HDAC9: variants seen among roughly 807,000 people sequenced by gnomAD.
The protein encoded by HDAC9 is histone deacetylase 9.
HDAC9 carries 41 observed loss-of-function variants against 139.4 expected under a neutral mutation model. The observed-to-expected ratio is 0.29, with a 90% CI of 0.23 to 0.38. The LOEUF (loss-of-function observed/expected upper bound fraction) is 0.38. Ranked by LOEUF, HDAC9 falls within the 10% of genes least tolerant of loss-of-function variation. HDAC9 has a pLI of 1.00. For synonymous variants in HDAC9, 517 were observed against 476.2 expected, an observed-to-expected ratio of 1.09 and a Z score of -1.12; for missense variants, 1,147 against 1,297.0, an observed-to-expected ratio of 0.88 and a Z score of 1.78.
chr7:18,139,675 A>G (rs1785742876), intron 1 of HDAC9, among the ~76,000 whole-genome samples: 1 of 152,196 alleles, frequency 6.6e-6, no homozygotes, highest in South Asian at 2.1e-4. Flanking sequence ...TCATATGGCC[A>G]AAAAGGATTT....
chr7:18,962,457 G>A (rs1434627965), intron 24 of HDAC9, among the ~76,000 whole-genome samples: 1 of 152,020 alleles, frequency 6.6e-6, no homozygotes, highest in East Asian at 1.9e-4. Flanking sequence ...ATACTAGAAT[G>A]TATCAGAATA....
chr7:18,204,977 C>A (rs895587471), intron 2 of HDAC9, among the ~76,000 whole-genome samples: 1 of 152,000 alleles, frequency 6.6e-6, no homozygotes, highest in East Asian at 1.9e-4. Flanking sequence ...CTATTTTATG[C>A]TAATGTTTAG....
chr7:18,426,383 C>T (rs544032095), intron 1 of HDAC9, among the ~76,000 whole-genome samples: 34 of 152,236 alleles, frequency 2.2e-4, no homozygotes, highest in Non-Finnish European at 3.8e-4. Context: ...AAGCAAAGAA[C>T]CTGAATATTT....
intron 22 of HDAC9, among the ~76,000 whole-genome samples, chr7:18,900,477 A>C (rs1036356973): frequency 3.3e-5 from 5 of 152,120 alleles, no homozygotes; most frequent in Non-Finnish European, 7.4e-5. Context: ...CCTCTAGGCT[A>C]GTCCTGCTAT....
At chr7:18,635,484 AAG>A (rs1349488310) in intron 8 of HDAC9, among the ~76,000 whole-genome samples, 2 of 152,060 alleles carry the variant, frequency 1.3e-5, no homozygotes, top group Non-Finnish European at 2.9e-5. Context: ...ATACAAGACT[AAG>A]AGGAAAGTTA....
intron 17 of HDAC9, among the ~76,000 whole-genome samples, chr7:18,826,496 GAGA>G (rs770020688): frequency 9.9e-5 from 15 of 152,124 alleles, no homozygotes; most frequent in Admixed American, 2.6e-4. Flanking sequence ...TGATTTTGGC[GAGA>G]AGAAGATCAT....
chr7:18,179,526 T>C (rs773490922), intron 2 of HDAC9, among the ~76,000 whole-genome samples: 8 of 152,214 alleles, frequency 5.3e-5, no homozygotes, highest in Non-Finnish European at 8.8e-5. Context: ...CTTTGTTTTT[T>C]TTGCTTCTAC....
At chr7:18,649,550 T>C (rs1476536332) in intron 11 of HDAC9, among the ~76,000 whole-genome samples, 2 of 152,170 alleles carry the variant, frequency 1.3e-5, no homozygotes, top group African/African-American at 2.4e-5. Flanking sequence ...TGCAAACTGA[T>C]ACTTTGTTTA....
intron 1 of HDAC9, chr7:18,429,046 A>T (rs1484301459): frequency 6.6e-6 from 1 of 152,104 alleles, no homozygotes; most frequent in East Asian, 1.9e-4. Flanking sequence ...ACCCACCTCC[A>T]ACCTACGGCA....
chr7:18,980,742 CT>C (rs1369527452), intron 25 of HDAC9, among the ~76,000 whole-genome samples: 1 of 83,956 alleles, frequency 1.2e-5, no homozygotes, highest in African/African-American at 5.1e-5. Flanking sequence ...TCTTCTTCTT[CT>C]TCCTTCTTCT....
intron 22 of HDAC9, among the ~76,000 whole-genome samples, chr7:18,912,494 G>A (rs1379723886): frequency 2.0e-5 from 3 of 151,960 alleles, no homozygotes; most frequent in South Asian, 4.1e-4. Context: ...CTGAAAATTA[G>A]CCTAATTTAG....
intron 1 of HDAC9, among the ~76,000 whole-genome samples, chr7:18,363,455 T>A (rs1018805422): frequency 6.6e-5 from 10 of 151,964 alleles, no homozygotes; most frequent in Non-Finnish European, 1.5e-4. Context: ...AAGAAAAAAA[T>A]AAATTTTGGA....
At chr7:18,978,419 C>T (rs1784689269) in intron 25 of HDAC9, among the ~76,000 whole-genome samples, 1 of 152,050 alleles carries the variant, frequency 6.6e-6, no homozygotes, top group African/African-American at 2.4e-5. Flanking sequence ...CAACACAGTG[C>T]AGATAGTCAT....
chr7:18,913,124 T>C (rs1802883846), intron 22 of HDAC9, among the ~76,000 whole-genome samples: 1 of 152,090 alleles, frequency 6.6e-6, no homozygotes, highest in Non-Finnish European at 1.5e-5. Flanking sequence ...AAAGGCTGTA[T>C]AAGTATATAT....
chr7:18,498,571 G>A (rs112697880), intron 2 of HDAC9, among the ~76,000 whole-genome samples: 2 of 152,094 alleles, frequency 1.3e-5, no homozygotes, highest in African/African-American at 4.8e-5. Flanking sequence ...TTTTGGACCA[G>A]TGGTCTGGAC....
rs371356739 is a variant in HDAC9, at chr7:18,749,063, C to T, written c.1968C>T (p.Thr656=). 87 of 1,613,514 alleles carry T rather than the reference C, an allele frequency of 5.4e-5. No individual in the cohort carries two copies. Among genetic ancestry groups the T allele is most frequent in the Non-Finnish European group, 7.2e-5 (85 of 1,179,742 alleles). Residue 656 remains threonine (T), a synonymous_variant, in exon 14 of 26, where the codon ACC becomes ACT. Transcript: ENST00000686413. ...KHQCVCGNST[T]HPEHAGRIQS... Reference sequence around the variant, plus strand: ...AGTGCGTTTGTGGCAATTCCACCACCCACCCTGAGCATGCTGGACGAATAC... The same window carrying T: ...AGTGCGTTTGTGGCAATTCCACCACTCACCCTGAGCATGCTGGACGAATAC...
chr7:18,242,558 T>C (rs1308190321), intron 2 of HDAC9, among the ~76,000 whole-genome samples: 1 of 152,226 alleles, frequency 6.6e-6, no homozygotes, highest in Admixed American at 6.5e-5. Flanking sequence ...AGCATATATT[T>C]ATAGCATTAT....
At chr7:18,471,218 T>C (rs1794698161) in intron 1 of HDAC9, among the ~76,000 whole-genome samples, 1 of 152,140 alleles carries the variant, frequency 6.6e-6, no homozygotes, top group South Asian at 2.1e-4. Context: ...AGGGCAGGTG[T>C]TTTGAGAAAT....
intron 1 of HDAC9, among the ~76,000 whole-genome samples, chr7:18,315,181 A>G (rs1799557147): frequency 6.6e-6 from 1 of 152,192 alleles, no homozygotes; most frequent in Non-Finnish European, 1.5e-5. Flanking sequence ...ATAAGAATAA[A>G]CCAACTTTTA....
Sources: allele counts gnomAD v4.1 joint callset (sites outside exome capture counted in the v4.1 genomes callset), GRCh38; gene constraint gnomAD v4.1.1; transcripts MANE v1.5; gene names NCBI Gene and HGNC (gene_info 2026-07-23, HGNC 2026-07-21).